The following LIMS2 variants were observed in gnomAD, a reference collection of about 807,000 sequenced individuals.
The protein encoded by LIMS2 is LIM and senescent cell antigen-like-containing domain protein 2.
Under a neutral mutation model 45.3 loss-of-function variants are expected in LIMS2, and 30 were observed. The ratio of observed to expected loss-of-function variants is 0.66; its 90% confidence interval spans 0.50 to 0.90. The LOEUF (loss-of-function observed/expected upper bound fraction) is 0.90. LIMS2 is among the 40% of genes least tolerant of loss of function. The probability of loss-of-function intolerance (pLI) is 0.00; values close to 1 mark genes in which losing one functional copy is unlikely to be tolerated. For synonymous variants in LIMS2, 173 were observed against 188.0 expected (o/e 0.92, Z 0.65); for missense variants, 485 against 468.7 (o/e 1.03, Z -0.32).
intron 1 of LIMS2, among the ~76,000 whole-genome samples, chr2:127,663,374 A>T (rs1342766951): frequency 6.6e-6 from 1 of 152,014 alleles, no homozygotes; most frequent in Non-Finnish European, 1.5e-5. Context: ...TGCAGCAGGG[A>T]CTCCACAGAT....
chr2:127,651,079 T>C lies in LIMS2; in HGVS notation c.359+3345A>G, dbSNP rs202004329. 2.4e-4 allele frequency: 394 copies of C among 1,613,714 alleles called. 2 individuals carry two copies. The highest frequency in any genetic ancestry group is 4.7e-5 in the Non-Finnish European group (56 of 1,180,036). On this transcript the variant is annotated intron_variant, in intron 4 of 9. Transcript: ENST00000355119. Reference sequence around the variant, plus strand: ...ACCGGCTTCCTCTTCTACCTCAACATGTACGCCAGCATCTACTTCCTCACC... The same window carrying C: ...ACCGGCTTCCTCTTCTACCTCAACACGTACGCCAGCATCTACTTCCTCACC...
intron 1 of LIMS2, chr2:127,674,220 G>A (rs1223522263): frequency 6.3e-6 from 1 of 159,258 alleles, no homozygotes; most frequent in Non-Finnish European, 1.4e-5. Flanking sequence ...ATGGGATCCT[G>A]AAGAACAGCA....
In LIMS2 at chr2:127,654,430, G is replaced by C; in HGVS notation, c.353C>G (p.Ala118Gly). The C allele has an allele frequency of 6.2e-7, 1 of 1,614,046 alleles. No individual in the cohort carries two copies. Among genetic ancestry groups the C allele is most frequent in the South Asian group, 1.1e-5 (1 of 91,086 alleles). Residue 118 changes from alanine (A) to glycine (G), a missense_variant, in exon 4 of 10, where the codon GCC (alanine) becomes GGC (glycine). Transcript: ENST00000355119. The stretch of plus-strand genomic sequence containing the variant: ...CCCAACACGGCCACCTCACCTGCCG[G>C]CATTCTTCACAAAGCCCAGGTCAGC... ...ELADLGFVKNAGRHLCRPCHN... is the reference protein window; with the variant it reads ...ELADLGFVKNGGRHLCRPCHN...
chr2:127,651,242 C>T, intron 4 of LIMS2: 1 of 1,606,618 alleles, frequency 6.2e-7, no homozygotes, highest in Non-Finnish European at 8.5e-7. Context: ...TGCTGGTGAG[C>T]CCACAGACCG....
chr2:127,674,803 C>T, intron 1 of LIMS2: 2 of 985,394 alleles, frequency 2.0e-6, no homozygotes, highest in African/African-American at 3.5e-5. Context: ...CTCCACCTTC[C>T]GCTGCAGGCG....
intron 1 of LIMS2, among the ~76,000 whole-genome samples, chr2:127,660,442 T>C (rs56048934): frequency 0.19 from 28,736 of 152,130 alleles, 3,202 homozygotes; most frequent in African/African-American, 0.31. Context: ...AGGTCTGCAG[T>C]TTCAATCCTG....
In LIMS2 at chr2:127,642,055, G is replaced by A. The variant is rs745965497; in HGVS notation, c.654C>T (p.His218=). 1.6e-5 allele frequency: 26 copies of A among 1,610,884 alleles called. No individual in the cohort carries two copies. Among genetic ancestry groups the A allele is most frequent in the East Asian group, 8.9e-5 (4 of 44,798 alleles). ...GTCCACCAGCCTGGCTCACCTCCAC[G>A]TGCCACTGCTTGCCCAGCGCGTTGA... ...RVVNALGKQW[H]VEHFVCAKCE... Residue 218 remains histidine (H), a synonymous_variant, in exon 6 of 10, where the codon CAC becomes CAT. Coordinates refer to ENST00000355119, the MANE Select transcript of LIMS2 (RefSeq NM_001161403.3). This position sits in a 1 kb window ranked among gnomAD's most constrained non-coding sequence, Gnocchi z 5.3.
At chr2:127,650,382 C>A in intron 4 of LIMS2, 2 of 532,388 alleles carry the variant, frequency 3.8e-6, no homozygotes, top group Non-Finnish European at 6.7e-6. Context: ...AGAGCCTCAC[C>A]CAGGCAAGGC....
At position 127,654,587 on chromosome 2, in the gene LIMS2, G is replaced by A. The variant is rs1189360584; in HGVS notation, c.239-43C>T. 6.8e-6 allele frequency: 11 copies of A among 1,613,414 alleles called. No individual in the cohort carries two copies. In the African/African-American group the frequency reaches 1.5e-4, roughly 22 times the overall value. On this transcript the variant is annotated intron_variant, in intron 3 of 9. Transcript: ENST00000355119. ...CCTGCTGGCTGGGGAGCACGTGCCT[G>A]TCCCCTCTTCGGACCCTCCCAAGCC...
chr2:127,664,460 G>A lies in LIMS2; in HGVS notation c.12-6898C>T. ...CAGGGGCTATGGGACCACCTCGGAG[G>A]GGAGGCGCGGCCGCCTGGGGCCAGA... On this transcript the variant is annotated intron_variant, in intron 1 of 9. Transcript: ENST00000355119. The surrounding 1 kb of genome is among the most constrained non-coding windows in gnomAD (Gnocchi z 5.5). 8.4e-7 allele frequency: 1 copy of A among 1,184,880 alleles called. No individual in the cohort carries two copies. Among genetic ancestry groups the A allele is most frequent in the Non-Finnish European group, 1.0e-6 (1 of 957,838 alleles). 73.4% of individuals were successfully genotyped at this position (1,184,880 alleles called of 1,614,324 possible).
chr2:127,656,831 C>G (rs1466384963), intron 2 of LIMS2, among the ~76,000 whole-genome samples: 1 of 152,158 alleles, frequency 6.6e-6, no homozygotes. Flanking sequence ...TGGGGCCAAG[C>G]GAGATCCACC....
At chr2:127,661,981 TC>T (rs1684697873) in intron 1 of LIMS2, among the ~76,000 whole-genome samples, 1 of 151,988 alleles carries the variant, frequency 6.6e-6, no homozygotes. Flanking sequence ...GATATCTGAG[TC>T]AAGGAAGTGT....
chr2:127,651,602 C>A, intron 4 of LIMS2: 1 of 1,613,486 alleles, frequency 6.2e-7, no homozygotes, highest in Non-Finnish European at 8.5e-7. Context: ...CCAGCCTCAA[C>A]GGGGCACTCG....
At chr2:127,654,313 G>T in intron 4 of LIMS2, 111 bp downstream of exon 4, 1 of 1,456,576 alleles carries the variant, frequency 6.9e-7, no homozygotes, top group Non-Finnish European at 9.5e-7. Context: ...GCAGGCTGCA[G>T]CACCGGGACC....
intron 4 of LIMS2, chr2:127,650,738 G>C: frequency 6.2e-7 from 1 of 1,608,124 alleles, no homozygotes; most frequent in Non-Finnish European, 8.5e-7. Context: ...GCCAAAGCAT[G>C]AATGGCCTTG....
At chr2:127,662,045 C>T (rs1396057823) in intron 1 of LIMS2, among the ~76,000 whole-genome samples, 1 of 152,124 alleles carries the variant, frequency 6.6e-6, no homozygotes, top group African/African-American at 2.4e-5. Flanking sequence ...CTGGTCACAC[C>T]CAAGATGAGC....
intron 1 of LIMS2, among the ~76,000 whole-genome samples, chr2:127,660,499 C>G (rs899882889): frequency 1.8e-4 from 28 of 152,170 alleles, no homozygotes; most frequent in African/African-American, 6.5e-4. Context: ...TTTCGAGGAA[C>G]AGATAATTCC....
chr2:127,655,605 A>C (rs1684202030), intron 2 of LIMS2: 1 of 152,916 alleles, frequency 6.5e-6, no homozygotes, highest in African/African-American at 2.4e-5. Context: ...GGAAGGGCTT[A>C]AACTCTTTCA....
chr2:127,644,705 G>A (rs1682779754), intron 4 of LIMS2, among the ~76,000 whole-genome samples: 1 of 152,208 alleles, frequency 6.6e-6, no homozygotes, highest in Admixed American at 6.5e-5. Flanking sequence ...CACGGTCAAT[G>A]CCCTTGAAGC....
Sources: allele counts gnomAD v4.1 joint callset (sites outside exome capture counted in the v4.1 genomes callset), GRCh38; gene constraint gnomAD v4.1.1; non-coding constraint Gnocchi (gnomAD v3.1); transcripts MANE v1.5; gene names NCBI Gene and HGNC (gene_info 2026-07-23, HGNC 2026-07-21).